The following UST variants were observed in gnomAD, a reference collection of about 807,000 sequenced individuals.
UST encodes chondroitin sulfate 2-O-sulfotransferase.
Under a neutral mutation model 45.6 loss-of-function variants are expected in UST, and 21 were observed. That is an observed-to-expected ratio of 0.46 (90% CI 0.33 to 0.66). The LOEUF is 0.66. Ranked by LOEUF, UST falls within the 30% of genes least tolerant of loss-of-function variation. The probability of loss-of-function intolerance (pLI) is 0.02; values close to 1 mark genes in which losing one functional copy is unlikely to be tolerated. For missense variants in UST, 463 were observed against 512.4 expected (o/e 0.90, Z 0.93); for synonymous variants, 215 against 200.6 (o/e 1.07, Z -0.61).
At chr6:148,747,734 G>A (rs1174479578) in intron 1 of UST, 57 bp downstream of exon 1, 6 of 1,494,680 alleles carry the variant, frequency 4.0e-6, no homozygotes, top group African/African-American at 1.4e-5. Context: ...TGTGCGGCGG[G>A]GAGAGGGTCG....
At chr6:149,007,318 C>G (rs1441645547) in intron 5 of UST, among the ~76,000 whole-genome samples, 1 of 144,240 alleles carries the variant, frequency 6.9e-6, no homozygotes, top group Non-Finnish European at 1.5e-5. Context: ...GATGGAGTCT[C>G]ATTCTTTTGC....
Position 149,012,804 on chromosome 6 carries a change from T to A in UST, c.682-6335T>A, listed in dbSNP as rs73000453. 5.6e-3 allele frequency among the ~76,000 whole-genome samples: 585 copies of A among 104,124 alleles called. 12 individuals are homozygous for A. Among genetic ancestry groups the A allele is most frequent in the Admixed American group, 7.6e-3 (79 of 10,434 alleles). 68.3% of individuals were successfully genotyped at this position (104,124 alleles called of 152,430 possible). A position where few individuals can be genotyped will look rare whatever the true frequency, so the allele number is the denominator to read the frequency against. Reference sequence around the variant, plus strand: ...CTGTGAGTTAGCCAGAGTCACTATTTAAAAAAAAAAAAAAAAAAACTATCA... The same window carrying A: ...CTGTGAGTTAGCCAGAGTCACTATTAAAAAAAAAAAAAAAAAAAACTATCA... On this transcript the variant is annotated intron_variant, in intron 5 of 7. Coordinates refer to ENST00000367463, the MANE Select transcript of UST (RefSeq NM_005715.3).
At chr6:149,033,220 A>C (rs1356266364) in intron 7 of UST, among the ~76,000 whole-genome samples, 3 of 152,138 alleles carry the variant, frequency 2.0e-5, no homozygotes, top group Non-Finnish European at 4.4e-5. Flanking sequence ...GGATTTCAAA[A>C]CTGTCTTTGG....
intron 1 of UST, among the ~76,000 whole-genome samples, chr6:148,866,814 C>G (rs1418435362): frequency 1.3e-5 from 2 of 152,166 alleles, no homozygotes; most frequent in Non-Finnish European, 2.9e-5. Context: ...TATATTTCCT[C>G]CATTGCTGAG....
chr6:148,941,686 C>T (rs1306639946), intron 3 of UST, among the ~76,000 whole-genome samples: 3 of 152,284 alleles, frequency 2.0e-5, no homozygotes, highest in Middle Eastern at 3.4e-3. Flanking sequence ...TTGCCCTTGT[C>T]TAGTTAGCTA....
chr6:149,011,913 C>T (rs1230051458), intron 5 of UST, among the ~76,000 whole-genome samples: 5 of 37,190 alleles, frequency 1.3e-4, no homozygotes, highest in Non-Finnish European at 2.2e-4. Flanking sequence ...GAAAAAGAAA[C>T]GAAATAATTA....
chr6:148,754,735 C>A (rs1337428111), intron 1 of UST, among the ~76,000 whole-genome samples: 1 of 152,134 alleles, frequency 6.6e-6, no homozygotes, highest in Non-Finnish European at 1.5e-5. Flanking sequence ...AAATACAATA[C>A]TGTTATGTAT....
At chr6:148,966,568 A>G (rs983730980) in intron 5 of UST, among the ~76,000 whole-genome samples, 1 of 152,236 alleles carries the variant, frequency 6.6e-6, no homozygotes, top group Non-Finnish European at 1.5e-5. Flanking sequence ...GTAAGAGTTA[A>G]GAGGAATGCT....
At chr6:148,990,320 G>A in intron 5 of UST, 1 of 886,784 alleles carries the variant, frequency 1.1e-6, no homozygotes, top group Non-Finnish European at 1.4e-6. Context: ...AGTATTTGAA[G>A]ACAAAGAATA....
chr6:148,892,068 G>A (rs1246753155), intron 2 of UST, among the ~76,000 whole-genome samples: 1 of 152,174 alleles, frequency 6.6e-6, no homozygotes, highest in Non-Finnish European at 1.5e-5. Context: ...ACGACTGACT[G>A]TATAAGAATA....
intron 7 of UST, among the ~76,000 whole-genome samples, chr6:149,032,891 A>AT (rs1463129666): frequency 6.6e-6 from 1 of 151,976 alleles, no homozygotes. Flanking sequence ...TTGGAGGTGA[A>AT]TTTTTTTCTA....
chr6:148,795,182 G>T (rs1285931692), intron 1 of UST, among the ~76,000 whole-genome samples: 1 of 152,232 alleles, frequency 6.6e-6, no homozygotes, highest in Non-Finnish European at 1.5e-5. Flanking sequence ...TTACAAAGCT[G>T]TAGTAAGAAA....
At chr6:148,940,010 A>G (rs1780093004) in intron 2 of UST, among the ~76,000 whole-genome samples, 1 of 152,232 alleles carries the variant, frequency 6.6e-6, no homozygotes, top group Non-Finnish European at 1.5e-5. Flanking sequence ...AAAATGCAAT[A>G]ATAAAAAGAC....
intron 1 of UST, among the ~76,000 whole-genome samples, chr6:148,793,154 G>A (rs900027149): frequency 3.9e-5 from 6 of 152,074 alleles, no homozygotes; most frequent in Admixed American, 2.0e-4. Context: ...AATGATCCCT[G>A]TATATTTATT....
At chr6:148,981,785 A>G (rs1781139869) in intron 5 of UST, among the ~76,000 whole-genome samples, 1 of 152,236 alleles carries the variant, frequency 6.6e-6, no homozygotes. Flanking sequence ...TTCCTGTGCA[A>G]GCATCTCCGG....
intron 2 of UST, among the ~76,000 whole-genome samples, chr6:148,899,169 G>A (rs1043841406): frequency 2.9e-5 from 4 of 139,946 alleles, no homozygotes; most frequent in East Asian, 2.1e-4. Context: ...GCAGGATCTC[G>A]GCTCACTGCA....
intron 2 of UST, among the ~76,000 whole-genome samples, chr6:148,940,637 A>G (rs1780108035): frequency 6.6e-6 from 1 of 152,182 alleles, no homozygotes; most frequent in Admixed American, 6.5e-5. Context: ...AATTAAACCT[A>G]CGGTTACCAT....
intron 1 of UST, among the ~76,000 whole-genome samples, chr6:148,786,302 T>C (rs140968370): frequency 2.9e-4 from 44 of 152,324 alleles, no homozygotes; most frequent in African/African-American, 9.9e-4. Context: ...ACATGTCCCA[T>C]GGTGGTTTAC....
At chr6:148,979,669 T>C (rs1441968056) in intron 5 of UST, among the ~76,000 whole-genome samples, 1 of 152,224 alleles carries the variant, frequency 6.6e-6, no homozygotes, top group African/African-American at 2.4e-5. Flanking sequence ...TGCACGATGT[T>C]TCCCTTTAAA....
Sources: gnomAD v4.1 joint callset for allele counts (sites outside exome capture counted in the v4.1 genomes callset) on GRCh38, gnomAD v4.1.1 for gene constraint, MANE v1.5 for transcripts, NCBI Gene and HGNC (gene_info 2026-07-23, HGNC 2026-07-21) for gene names.